The following INVS variants were observed in gnomAD, a reference collection of about 807,000 sequenced individuals.
INVS encodes inversin, also known as inversion of embryo turning homolog.
In INVS, 86 loss-of-function variants were observed where a neutral mutation model predicts 108.8. That is an observed-to-expected ratio of 0.79 (90% CI 0.66 to 0.95). INVS has a LOEUF of 0.95. INVS is among the 40% of genes least tolerant of loss of function. The pLI is 0.00. For synonymous variants in INVS, 455 were observed against 473.5 expected, an observed-to-expected ratio of 0.96 and a Z score of 0.51; for missense variants, 1,169 against 1,297.4, an observed-to-expected ratio of 0.90 and a Z score of 1.52.
At chr9:100,242,863 A>T (rs910091980) in intron 7 of INVS, among the ~76,000 whole-genome samples, 184 bp downstream of exon 7, 1 of 152,120 alleles carries the variant, frequency 6.6e-6, no homozygotes, top group Non-Finnish European at 1.5e-5. Flanking sequence ...TCCTACACCT[A>T]ATTCACTCTA....
At chr9:100,300,465 G>T in intron 16 of INVS, 103 bp from the exon 17 acceptor site, 2 of 781,948 alleles carry the variant, frequency 2.6e-6, no homozygotes, top group East Asian at 2.6e-5. Context: ...ATCATCCCAG[G>T]GATAGCCTAA....
intron 2 of INVS, among the ~76,000 whole-genome samples, chr9:100,113,483 A>G (rs1049888943): frequency 6.6e-6 from 1 of 152,246 alleles, no homozygotes; most frequent in Non-Finnish European, 1.5e-5. Context: ...ATTAAAATAT[A>G]TGTCGAAGTA....
At chr9:100,154,579 T>A (rs976347762) in intron 3 of INVS, among the ~76,000 whole-genome samples, 1 of 152,030 alleles carries the variant, frequency 6.6e-6, no homozygotes. Context: ...TATATAACAT[T>A]ATAAAATGAT....
chr9:100,153,894 T>C (rs1032887676), intron 3 of INVS, among the ~76,000 whole-genome samples: 8 of 152,204 alleles, frequency 5.3e-5, no homozygotes, highest in Non-Finnish European at 1.2e-4. Context: ...TAATCACCTG[T>C]TAGGGATCCC....
At chr9:100,103,072 C>T (rs575785253) in intron 1 of INVS, among the ~76,000 whole-genome samples, 7 of 152,220 alleles carry the variant, frequency 4.6e-5, no homozygotes, top group Admixed American at 2.6e-4. Flanking sequence ...ACGCTGGTCT[C>T]GAACTCCTGA....
intron 3 of INVS, chr9:100,175,779 C>T (rs528740666): frequency 5.8e-5 from 37 of 639,442 alleles, no homozygotes; most frequent in African/African-American, 5.8e-4. Flanking sequence ...CTGGAACATC[C>T]AGTCCTAGAA....
chr9:100,273,590 T>G (rs1192551629), intron 12 of INVS, among the ~76,000 whole-genome samples: 1 of 134,098 alleles, frequency 7.5e-6, no homozygotes. Context: ...CAGGCTGGAA[T>G]GCAGTGGCAC....
At chr9:100,213,501 G>C (rs1019958584) in intron 3 of INVS, among the ~76,000 whole-genome samples, 1 of 151,768 alleles carries the variant, frequency 6.6e-6, no homozygotes, top group African/African-American at 2.4e-5. Context: ...CACCATTCCT[G>C]GCCCTTACAA....
chr9:100,207,316 C>G (rs1014734433), intron 3 of INVS, among the ~76,000 whole-genome samples: 1 of 151,938 alleles, frequency 6.6e-6, no homozygotes, highest in African/African-American at 2.4e-5. Flanking sequence ...ATTTTTCAGG[C>G]AGAGTCTCAC....
intron 3 of INVS, among the ~76,000 whole-genome samples, chr9:100,207,855 A>G (rs773109524): frequency 6.6e-6 from 1 of 152,108 alleles, no homozygotes; most frequent in Non-Finnish European, 1.5e-5. Context: ...CTAATTTTTG[A>G]ATGTGTTTCT....
chr9:100,257,133 T>C (rs1225073653), intron 10 of INVS, among the ~76,000 whole-genome samples: 2 of 152,240 alleles, frequency 1.3e-5, no homozygotes, highest in Admixed American at 1.3e-4. Context: ...TTAGCTCTTC[T>C]TGTTGAATTG....
At chr9:100,286,823 C>T (rs958236826) in intron 13 of INVS, among the ~76,000 whole-genome samples, 1 of 152,176 alleles carries the variant, frequency 6.6e-6, no homozygotes, top group African/African-American at 2.4e-5. Context: ...TATCTCCCCG[C>T]TAAAGGAGGC....
At chr9:100,178,395 A>C (rs531850494) in intron 3 of INVS, among the ~76,000 whole-genome samples, 16 of 152,332 alleles carry the variant, frequency 1.1e-4, no homozygotes, top group African/African-American at 3.6e-4. Flanking sequence ...CCTTGAAAAA[A>C]GGTTAGAGGA....
At chr9:100,159,751 T>C (rs1829110246) in intron 3 of INVS, among the ~76,000 whole-genome samples, 1 of 152,158 alleles carries the variant, frequency 6.6e-6, no homozygotes, top group Non-Finnish European at 1.5e-5. Flanking sequence ...GTGTCTCTGC[T>C]TGAGTAGTTG....
At chr9:100,108,555 G>A (rs1422897731) in intron 2 of INVS, among the ~76,000 whole-genome samples, 1 of 152,072 alleles carries the variant, frequency 6.6e-6, no homozygotes, top group Admixed American at 6.5e-5. Context: ...ATCTTTTTAT[G>A]TATCACATAT....
intron 7 of INVS, among the ~76,000 whole-genome samples, chr9:100,243,768 G>A (rs10819745): frequency 0.17 from 26,106 of 152,094 alleles, 3,339 homozygotes; most frequent in African/African-American, 0.36. Context: ...CCAGCACTTT[G>A]GGAGGCAGAG....
chr9:100,226,365 A>G (rs1831321801), intron 4 of INVS, 130 bp downstream of exon 4: 1 of 720,046 alleles, frequency 1.4e-6, no homozygotes, highest in Non-Finnish European at 2.3e-6. Flanking sequence ...AAATCTCCAT[A>G]CATCTCAGGG....
intron 3 of INVS, among the ~76,000 whole-genome samples, chr9:100,215,879 C>A (rs765106152): frequency 1.3e-5 from 2 of 152,202 alleles, no homozygotes; most frequent in Non-Finnish European, 2.9e-5. Context: ...AGGAGGCCAA[C>A]TGGGCAAGAT....
chr9:100,110,471 TATAA>T (rs1407535549), intron 2 of INVS, among the ~76,000 whole-genome samples: 1 of 152,160 alleles, frequency 6.6e-6, no homozygotes, highest in East Asian at 1.9e-4. Context: ...CTTTCATATG[TATAA>T]ATAAATAGGA....
Sources: gnomAD v4.1 joint callset for allele counts (sites outside exome capture counted in the v4.1 genomes callset) on GRCh38, gnomAD v4.1.1 for gene constraint, MANE v1.5 for transcripts, NCBI Gene and HGNC (gene_info 2026-07-23, HGNC 2026-07-21) for gene names.